Variants in GPC5 observed in about 807,000 individuals in gnomAD.
The protein encoded by GPC5 is glypican 5, also known as glypican-5.
In GPC5, 47 loss-of-function variants were observed where a neutral mutation model predicts 53.9. The observed-to-expected ratio is 0.87, with a 90% CI of 0.69 to 1.11. The LOEUF is 1.11. Among genes scored for constraint, GPC5 ranks in the 50% most tolerant of loss-of-function variants. The pLI is 0.00. For missense variants in GPC5, 748 were observed against 713.1 expected, an observed-to-expected ratio of 1.05 and a Z score of -0.56; for synonymous variants, 286 against 263.3, an observed-to-expected ratio of 1.09 and a Z score of -0.84.
chr13:92,229,457 A>C (rs6650315), intron 7 of GPC5, among the ~76,000 whole-genome samples: 35,342 of 151,932 alleles, frequency 0.23, 4,342 homozygotes, highest in African/African-American at 0.31. Context: ...ATCTATACTT[A>C]ATATTCCTAA....
At chr13:91,478,881 T>TTATATATA (rs71113743) in intron 2 of GPC5, among the ~76,000 whole-genome samples, 1,426 of 67,312 alleles carry the variant, frequency 0.021, 45 homozygotes, top group Admixed American at 0.039. Context: ...TATATACACA[T>TTATATATA]TATATATATA....
chr13:91,582,950 G>A (rs914992090), intron 2 of GPC5, among the ~76,000 whole-genome samples: 5 of 152,002 alleles, frequency 3.3e-5, no homozygotes, highest in African/African-American at 4.8e-5. Flanking sequence ...GTAGTGAGCC[G>A]AGATCATTCC....
At chr13:91,713,214 TAAATA>T (rs915344451) in intron 3 of GPC5, among the ~76,000 whole-genome samples, 2 of 150,682 alleles carry the variant, frequency 1.3e-5, no homozygotes, top group Non-Finnish European at 1.5e-5. Context: ...AATAAATAAA[TAAATA>T]AGTCACAAGC....
At chr13:91,449,112 T>C (rs1271671729) in intron 2 of GPC5, among the ~76,000 whole-genome samples, 190 bp downstream of exon 2, 1 of 152,042 alleles carries the variant, frequency 6.6e-6, no homozygotes, top group African/African-American at 2.4e-5. Context: ...ATATACTGAG[T>C]TGGATTGGGG....
intron 3 of GPC5, among the ~76,000 whole-genome samples, chr13:91,697,335 G>A (rs1428567040): frequency 2.0e-5 from 3 of 152,060 alleles, no homozygotes; most frequent in Non-Finnish European, 4.4e-5. Flanking sequence ...TAGAGATGGG[G>A]TTTCACTGTA....
At position 91,924,835 on chromosome 13, in the gene GPC5, AT is replaced by A. The variant is rs751973389; in HGVS notation, c.1401+16793del. On this transcript the variant is annotated intron_variant, in intron 6 of 7. Coordinates refer to ENST00000377067, the MANE Select transcript of GPC5 (RefSeq NM_004466.6). ...CCCAACCTATAAATATACTTCATGA[AT>A]TTTTTTTTTTTTTTGAGGCAGTGTC... Among the ~76,000 whole-genome samples, 816 of 145,142 alleles carry A rather than the reference AT, an allele frequency of 5.6e-3. 2 individuals are homozygous for A. The highest frequency in any genetic ancestry group is 0.014 in the African/African-American group (544 of 39,960).
chr13:92,376,483 A>G (rs1056176751), intron 7 of GPC5, among the ~76,000 whole-genome samples: 2 of 152,186 alleles, frequency 1.3e-5, no homozygotes, highest in Admixed American at 6.5e-5. Context: ...GTACTACTCC[A>G]AAAGCATGCC....
chr13:92,429,875 G>C (rs1369299087), intron 7 of GPC5, among the ~76,000 whole-genome samples: 13 of 152,170 alleles, frequency 8.5e-5, no homozygotes, highest in Admixed American at 7.9e-4. Context: ...TATAAACTTT[G>C]AGACAGGATG....
chr13:91,959,925 A>T (rs192129054), intron 6 of GPC5, among the ~76,000 whole-genome samples: 1 of 152,112 alleles, frequency 6.6e-6, no homozygotes, highest in African/African-American at 2.4e-5. Context: ...CAAGTTTTTA[A>T]CTAGGCATAG....
rs560426016 is a variant in GPC5 at position 92,095,610 on chromosome 13, C to T, written c.1402-49220C>T. On this transcript the variant is annotated intron_variant, in intron 6 of 7. Transcript: ENST00000377067. ...AGTGCAACGGAACCATCTCGGCTCA[C>T]TGCAACCTCCACCTCCTGGGTTCAA... is the stretch of plus-strand genomic sequence containing the variant. Among the ~76,000 whole-genome samples the T allele has an allele frequency of 2.0e-4, 31 of 152,332 alleles. No individual in the cohort carries two copies. In the South Asian group the frequency reaches 6.2e-3, roughly 31 times the overall value.
At chr13:92,293,426 T>C (rs2043011998) in intron 7 of GPC5, among the ~76,000 whole-genome samples, 1 of 115,160 alleles carries the variant, frequency 8.7e-6, no homozygotes, top group African/African-American at 3.2e-5. Context: ...TGGTTTCTTT[T>C]TTTTTTTTTT....
rs1270209420 is a variant in GPC5 at position 92,150,642 on chromosome 13, T to G, written c.1561+5653T>G. On this transcript the variant is annotated intron_variant, in intron 7 of 7. Coordinates refer to ENST00000377067, the MANE Select transcript of GPC5 (RefSeq NM_004466.6). ...AATAGTAGAATTGAAGTAAAAGGTT[T>G]GTCCTTGAATGCCTAAGTGATTATT... Among the ~76,000 whole-genome samples the G allele has an allele frequency of 2.0e-5, 3 of 152,042 alleles. No homozygotes were observed. The East Asian group carries it at 5.8e-4, about 29-fold the overall frequency.
intron 2 of GPC5, among the ~76,000 whole-genome samples, chr13:91,529,333 G>T (rs913045772): frequency 2.0e-5 from 3 of 152,036 alleles, no homozygotes; most frequent in Non-Finnish European, 4.4e-5. Flanking sequence ...CCCATATTTT[G>T]ATTTTCTCAA....
intron 7 of GPC5, among the ~76,000 whole-genome samples, chr13:92,683,746 C>T (rs962921750): frequency 1.3e-5 from 2 of 152,030 alleles, no homozygotes; most frequent in African/African-American, 4.8e-5. Flanking sequence ...ATATATATTA[C>T]TTTTTGAGCT....
chr13:92,096,255 T>C (rs1594761119), intron 6 of GPC5, among the ~76,000 whole-genome samples: 3 of 152,348 alleles, frequency 2.0e-5, no homozygotes, highest in Admixed American at 2.0e-4. Context: ...CTCTCCCCCT[T>C]AGGGTTTTCC....
intron 2 of GPC5, among the ~76,000 whole-genome samples, chr13:91,482,516 C>G (rs922418305): frequency 6.6e-6 from 1 of 152,172 alleles, no homozygotes; most frequent in Non-Finnish European, 1.5e-5. Context: ...ATCTAGCAAC[C>G]ATCATTTAGG....
chr13:91,826,460 G>A (rs756963529), intron 5 of GPC5, among the ~76,000 whole-genome samples: 7 of 151,864 alleles, frequency 4.6e-5, no homozygotes, highest in Non-Finnish European at 1.0e-4. Flanking sequence ...ATATTAAGAG[G>A]TCAATTCTCC....
chr13:92,753,766 G>C (rs1431683298), intron 7 of GPC5, among the ~76,000 whole-genome samples: 2 of 151,760 alleles, frequency 1.3e-5, no homozygotes, highest in East Asian at 3.9e-4. Flanking sequence ...AAGCGAGAAG[G>C]GAAGTTTAGA....
chr13:91,943,090 T>C (rs866990529), intron 6 of GPC5, among the ~76,000 whole-genome samples: 4 of 152,250 alleles, frequency 2.6e-5, no homozygotes, highest in South Asian at 4.1e-4. Flanking sequence ...ATTTGTTTTG[T>C]ACTTGTACCA....
Sources: gnomAD v4.1 joint callset for allele counts (sites outside exome capture counted in the v4.1 genomes callset) on GRCh38, gnomAD v4.1.1 for gene constraint, MANE v1.5 for transcripts, NCBI Gene and HGNC (gene_info 2026-07-23, HGNC 2026-07-21) for gene names.